The following CREBRF variants were observed in gnomAD, a reference collection of about 807,000 sequenced individuals.
CREBRF encodes the protein UPF0474 protein C5orf41.
Under a neutral mutation model 66.1 loss-of-function variants are expected in CREBRF, and 5 were observed. The ratio of observed to expected loss-of-function variants is 0.08; its 90% CI spans 0.04 to 0.16. The LOEUF (loss-of-function observed/expected upper bound fraction) is 0.16. Among genes scored for constraint, CREBRF ranks in the 10% least tolerant of loss-of-function variants. CREBRF has a pLI of 1.00. For synonymous variants in CREBRF, 229 were observed against 264.4 expected, an observed-to-expected ratio of 0.87 and a Z score of 1.30; for missense variants, 531 against 744.9, an observed-to-expected ratio of 0.71 and a Z score of 3.34.
chr5:173,083,720 A>G (rs1185855978), intron 2 of CREBRF, among the ~76,000 whole-genome samples: 2 of 152,214 alleles, frequency 1.3e-5, no homozygotes, highest in Admixed American at 6.5e-5. Context: ...TAGTTAAAAT[A>G]GTGTTGTTAG....
intron 4 of CREBRF, among the ~76,000 whole-genome samples, chr5:173,107,819 T>A: frequency 1.0e-5 from 1 of 98,470 alleles, no homozygotes; most frequent in Non-Finnish European, 1.9e-5. Context: ...TCTACAAAAT[T>A]TTTTTTTTTT....
At chr5:173,087,886 C>T (rs1758207768) in intron 3 of CREBRF, among the ~76,000 whole-genome samples, 1 of 151,994 alleles carries the variant, frequency 6.6e-6, no homozygotes, top group African/African-American at 2.4e-5. Flanking sequence ...TGCAGTGGCA[C>T]AGTCTCGGCT....
At chr5:173,105,223 A>ATGTGTG (rs1159644057) in intron 4 of CREBRF, among the ~76,000 whole-genome samples, 35 of 136,058 alleles carry the variant, frequency 2.6e-4, no homozygotes, top group African/African-American at 9.8e-4. Context: ...ATGTGTGTAT[A>ATGTGTG]TATGTGTGTG....
Position 173,110,503 on chromosome 5 carries a change from T to A in CREBRF, c.1418-19T>A. 1 of 1,588,628 alleles carries A rather than the reference T, an allele frequency of 6.3e-7. No homozygotes were observed. Among genetic ancestry groups the A allele is most frequent in the Non-Finnish European group, 8.6e-7 (1 of 1,156,882 alleles). Reference sequence around the variant, plus strand: ...TAATTAAAGTGATCTGACTTAAACTTCTTTTAAACTGTTTATAGGAAAATA... The same window carrying A: ...TAATTAAAGTGATCTGACTTAAACTACTTTTAAACTGTTTATAGGAAAATA... On this transcript the variant is annotated intron_variant, in intron 5 of 8. Coordinates refer to ENST00000296953, the MANE Select transcript of CREBRF (RefSeq NM_153607.3).
chr5:173,117,664 CTT>C (rs1759034554), intron 7 of CREBRF, among the ~76,000 whole-genome samples: 1 of 121,422 alleles, frequency 8.2e-6, no homozygotes, highest in Admixed American at 8.7e-5. Context: ...CTCTCTCTCT[CTT>C]TCTTTTTCTC....
At chr5:173,118,091 G>A (rs1025309790) in intron 7 of CREBRF, among the ~76,000 whole-genome samples, 2 of 152,116 alleles carry the variant, frequency 1.3e-5, no homozygotes, top group Admixed American at 1.3e-4. Context: ...AGCCAGGATG[G>A]TCTCGATCTC....
At chr5:173,068,844 G>A (rs1313060677) in intron 1 of CREBRF, among the ~76,000 whole-genome samples, 1 of 151,766 alleles carries the variant, frequency 6.6e-6, no homozygotes, top group Non-Finnish European at 1.5e-5. Flanking sequence ...CGAGGCAGGC[G>A]AATTGCCTGA....
At chr5:173,131,695 TAC>T (rs67580803) in intron 8 of CREBRF, among the ~76,000 whole-genome samples, 13,999 of 148,858 alleles carry the variant, frequency 0.094, 633 homozygotes, top group African/African-American at 0.11. Context: ...TATATATGTA[TAC>T]ACACACACAC....
intron 2 of CREBRF, chr5:173,086,019 T>G: frequency 7.3e-7 from 1 of 1,374,924 alleles, no homozygotes; most frequent in South Asian, 1.2e-5. Context: ...GGTCATAATC[T>G]GTCATAATCC....
chr5:173,059,471 C>G (rs751652036), intron 1 of CREBRF, among the ~76,000 whole-genome samples: 1 of 151,692 alleles, frequency 6.6e-6, no homozygotes, highest in Non-Finnish European at 1.5e-5. Flanking sequence ...ACCATGTTGG[C>G]CAGACTGGTC....
intron 4 of CREBRF, among the ~76,000 whole-genome samples, chr5:173,103,314 A>G (rs1335689095): frequency 6.6e-6 from 1 of 152,192 alleles, no homozygotes; most frequent in African/African-American, 2.4e-5. Flanking sequence ...AATGAGCAGC[A>G]TGCTTTCACC....
intron 1 of CREBRF, among the ~76,000 whole-genome samples, chr5:173,064,424 C>T (rs1757371767): frequency 6.6e-6 from 1 of 152,124 alleles, no homozygotes; most frequent in Admixed American, 6.6e-5. Flanking sequence ...TGCTCTGTCA[C>T]CCAGGCTGAA....
At chr5:173,080,160 A>G (rs1176141289) in intron 1 of CREBRF, among the ~76,000 whole-genome samples, 1 of 152,156 alleles carries the variant, frequency 6.6e-6, no homozygotes, top group African/African-American at 2.4e-5. Context: ...CTGTTGACTT[A>G]TGAGAGAGAT....
chr5:173,082,003 G>GTTTTTTTTTTTT (rs869148787), intron 2 of CREBRF, among the ~76,000 whole-genome samples: 5 of 78,076 alleles, frequency 6.4e-5, no homozygotes, highest in African/African-American at 2.4e-4. Flanking sequence ...TCAAGGTTTA[G>GTTTTTTTTTTTT]TTTTTTTTTT....
intron 1 of CREBRF, among the ~76,000 whole-genome samples, chr5:173,064,258 C>T (rs142395287): frequency 1.8e-3 from 271 of 152,120 alleles, no homozygotes; most frequent in African/African-American, 6.2e-3. Flanking sequence ...AAAAATAAAA[C>T]GTTGATATGG....
intron 1 of CREBRF, among the ~76,000 whole-genome samples, chr5:173,072,542 C>T (rs1757629016): frequency 6.6e-6 from 1 of 151,546 alleles, no homozygotes; most frequent in Non-Finnish European, 1.5e-5. Context: ...TCCTAAAGTG[C>T]TGGGATTACA....
chr5:173,062,981 T>C (rs1757323538), intron 1 of CREBRF, among the ~76,000 whole-genome samples: 1 of 152,010 alleles, frequency 6.6e-6, no homozygotes, highest in African/African-American at 2.4e-5. Context: ...TCTCCTGACC[T>C]CGTGATCCGC....
At chr5:173,056,739 T>TG (rs1477620619) in intron 1 of CREBRF, among the ~76,000 whole-genome samples, 1 of 151,738 alleles carries the variant, frequency 6.6e-6, no homozygotes, top group African/African-American at 2.4e-5. Flanking sequence ...CGGCGGTAGA[T>TG]GGGACTCGCG....
chr5:173,092,440 G>A (rs1409931705), intron 4 of CREBRF: 3 of 984,696 alleles, frequency 3.0e-6, no homozygotes, highest in Non-Finnish European at 3.6e-6. Context: ...GGCTTTTGGC[G>A]CTGTTGGCTT....
Sources: allele counts gnomAD v4.1 joint callset (sites outside exome capture counted in the v4.1 genomes callset), GRCh38; gene constraint gnomAD v4.1.1; transcripts MANE v1.5; gene names NCBI Gene and HGNC (gene_info 2026-07-23, HGNC 2026-07-21).